GRAP2: variants seen among roughly 807,000 people sequenced by gnomAD.
GRAP2 encodes the protein GRB2 related adaptor protein 2, also known as GRB2-related adapter protein 2.
In GRAP2, 31 loss-of-function variants were observed where a neutral mutation model predicts 43.5. The observed-to-expected ratio is 0.71, with a 90% confidence interval of 0.54 to 0.96. GRAP2 has a LOEUF of 0.96. Ranked by LOEUF, GRAP2 falls within the 40% of genes least tolerant of loss-of-function variation. The pLI, the probability that GRAP2 is intolerant of heterozygous loss-of-function variation, is 0.00. For missense variants in GRAP2, 371 were observed against 424.4 expected (o/e 0.87, Z 1.11); for synonymous variants, 156 against 164.8 (o/e 0.95, Z 0.41).
chr22:39,971,128 G>A lies in GRAP2; in HGVS notation c.*44G>A. On this transcript the variant is annotated 3_prime_UTR_variant, in exon 8 of 8. Coordinates refer to ENST00000344138, the MANE Select transcript of GRAP2 (RefSeq NM_004810.4). ...GCTTTTTGTCTGGAGCTGCCCACAA[G>A]AAAGAGGGCAAGGAAAAAAGGCTGG... 6.8e-7 allele frequency: 1 copy of A among 1,474,002 alleles called. No homozygotes were observed. The highest frequency in any genetic ancestry group is 9.3e-7 in the Non-Finnish European group (1 of 1,070,096). 91.3% of individuals were successfully genotyped at this position (1,474,002 alleles called of 1,614,324 possible). A position where few individuals can be genotyped will look rare whatever the true frequency, so the allele number is the denominator to read the frequency against.
rs2145691356 is a variant in GRAP2 at position 39,973,112 on chromosome 22, G to C, written c.*2028G>C. 1 of 152,552 alleles carries C rather than the reference G, an allele frequency of 6.6e-6. No homozygotes were observed. Among genetic ancestry groups the C allele is most frequent in the Admixed American group, 6.5e-5 (1 of 15,304 alleles). The allele number at this position is 152,552 out of a possible 1,614,324, so 9.4% of individuals were successfully genotyped here. On this transcript the variant is annotated 3_prime_UTR_variant, in exon 8 of 8. Transcript: ENST00000344138. ...AGAAGACCTCCTCAGCTATTTTGGTGCTAGGTAATGTGAAATGCTGCAGTA... is the reference window on the plus strand; with the variant it reads ...AGAAGACCTCCTCAGCTATTTTGGTCCTAGGTAATGTGAAATGCTGCAGTA...
chr22:39,919,210 T>C (rs2066629231), intron 1 of GRAP2, among the ~76,000 whole-genome samples: 1 of 152,172 alleles, frequency 6.6e-6, no homozygotes, highest in Admixed American at 6.5e-5. Flanking sequence ...AAAGTGGTGA[T>C]TTTATATAAT....
intron 1 of GRAP2, among the ~76,000 whole-genome samples, chr22:39,929,353 G>A (rs973276355): frequency 2.6e-5 from 4 of 152,184 alleles, no homozygotes; most frequent in Admixed American, 1.3e-4. Context: ...TCCCTGGCTG[G>A]ACAAATATTT....
chr22:39,956,763 C>A (rs959238961), intron 3 of GRAP2, among the ~76,000 whole-genome samples: 6 of 152,154 alleles, frequency 3.9e-5, no homozygotes, highest in Non-Finnish European at 8.8e-5. Flanking sequence ...GCCACTGCAC[C>A]CGGCCTATTT....
chr22:39,897,622 C>T (rs567472196), upstream of GRAP2, among the ~76,000 whole-genome samples: 6 of 150,830 alleles, frequency 4.0e-5, no homozygotes, highest in East Asian at 5.9e-4. Flanking sequence ...CGGGTTCAAG[C>T]GATTCTTCTG....
At chr22:39,959,603 G>C (rs1324957665) in intron 3 of GRAP2, among the ~76,000 whole-genome samples, 1 of 152,138 alleles carries the variant, frequency 6.6e-6, no homozygotes, top group Non-Finnish European at 1.5e-5. Flanking sequence ...CCTCAGGGCA[G>C]GCATGAGCAC....
intron 1 of GRAP2, among the ~76,000 whole-genome samples, chr22:39,931,546 TA>T (rs2066755369): frequency 6.6e-6 from 1 of 152,178 alleles, no homozygotes; most frequent in African/African-American, 2.4e-5. Flanking sequence ...GTGGTACAAG[TA>T]AATGTCAACC....
In GRAP2 at chr22:39,970,808, T is replaced by C. The variant is rs1306657580; in HGVS notation, c.814-97T>C. ...GGGGTCAGCCTTCAGGGAATGTTGCTCTCAAAGACTTGGATGTGGTGGGAG... is the reference window on the plus strand; with the variant it reads ...GGGGTCAGCCTTCAGGGAATGTTGCCCTCAAAGACTTGGATGTGGTGGGAG... On this transcript the variant is annotated intron_variant, in intron 7 of 7. Coordinates refer to ENST00000344138, the MANE Select transcript of GRAP2 (RefSeq NM_004810.4). The C allele has an allele frequency of 5.3e-6, 6 of 1,133,626 alleles. No homozygotes were observed. In the Admixed American group the frequency reaches 1.3e-4, roughly 24 times the overall value. 70.2% of individuals were successfully genotyped at this position (1,133,626 alleles called of 1,614,324 possible).
At chr22:39,947,471 CA>C (rs892422505) in intron 2 of GRAP2, 4 of 412,094 alleles carry the variant, frequency 9.7e-6, no homozygotes, top group African/African-American at 8.0e-5. Flanking sequence ...TCAGGGAGCA[CA>C]GGTGAGGGAA....
chr22:39,938,558 CAGAGAGAAGCATT>C (rs941921394), intron 1 of GRAP2, among the ~76,000 whole-genome samples: 14 of 152,314 alleles, frequency 9.2e-5, no homozygotes, highest in African/African-American at 3.4e-4. Flanking sequence ...GGGGCCCTGG[CAGAGAGAAGCATT>C]AGAATGCAAG....
chr22:39,898,214 G>A (rs2066473199), upstream of GRAP2, among the ~76,000 whole-genome samples: 1 of 152,124 alleles, frequency 6.6e-6, no homozygotes, highest in African/African-American at 2.4e-5. Context: ...ATTTCCCAAC[G>A]TAAAATCGCA....
At chr22:39,918,225 C>G (rs966104906) in intron 1 of GRAP2, among the ~76,000 whole-genome samples, 2 of 152,190 alleles carry the variant, frequency 1.3e-5, no homozygotes, top group African/African-American at 4.8e-5. Context: ...AATTGAAAAC[C>G]ATTTCATGCC....
At chr22:39,916,257 C>T (rs186797865) in intron 1 of GRAP2, among the ~76,000 whole-genome samples, 4 of 152,362 alleles carry the variant, frequency 2.6e-5, no homozygotes, top group East Asian at 1.9e-4. Context: ...TCATCACCTC[C>T]GTGAACGGAA....
intron 2 of GRAP2, among the ~76,000 whole-genome samples, chr22:39,950,566 C>T (rs966966442): frequency 2.0e-5 from 3 of 152,210 alleles, no homozygotes; most frequent in South Asian, 4.1e-4. Context: ...ATGTCATGCA[C>T]GTGTGCACAC....
Position 39,923,056 on chromosome 22 carries a change from A to T in GRAP2, c.-15+21726A>T, listed in dbSNP as rs533816912. Among the ~76,000 whole-genome samples, 307 of 151,572 alleles carry T rather than the reference A, an allele frequency of 2.0e-3. 2 individuals are homozygous for T. The highest frequency in any genetic ancestry group is 8.1e-3 in the Admixed American group (124 of 15,220). ...GATTCAGTTAAAAAAAAAAAAAAAA[A>T]TTCAGGTATATTTAAAATATAGTGT... On this transcript the variant is annotated intron_variant, in intron 1 of 7. Transcript: ENST00000344138.
chr22:39,959,346 G>A (rs1188924765), intron 3 of GRAP2, among the ~76,000 whole-genome samples: 2 of 152,306 alleles, frequency 1.3e-5, no homozygotes, highest in Middle Eastern at 6.8e-3. Flanking sequence ...CTTTTCCACA[G>A]TAAAGATTAT....
chr22:39,916,185 G>A (rs2066600948), intron 1 of GRAP2, among the ~76,000 whole-genome samples: 1 of 152,246 alleles, frequency 6.6e-6, no homozygotes, highest in Non-Finnish European at 1.5e-5. Flanking sequence ...TGGATTGACT[G>A]TGACCTGCTG....
At chr22:39,930,831 C>G (rs2267416) in intron 1 of GRAP2, among the ~76,000 whole-genome samples, 29,560 of 151,994 alleles carry the variant, frequency 0.19, 3,895 homozygotes, top group East Asian at 0.65. Context: ...TATTTGCACA[C>G]ACCATTCTCT....
At chr22:39,933,254 C>A (rs1413564723) in intron 1 of GRAP2, among the ~76,000 whole-genome samples, 1 of 152,206 alleles carries the variant, frequency 6.6e-6, no homozygotes, top group Non-Finnish European at 1.5e-5. Context: ...CAGCCTGAGG[C>A]CTTTATGCAG....
Sources: gnomAD v4.1 joint callset for allele counts (sites outside exome capture counted in the v4.1 genomes callset) on GRCh38, gnomAD v4.1.1 for gene constraint, MANE v1.5 for transcripts, NCBI Gene and HGNC (gene_info 2026-07-23, HGNC 2026-07-21) for gene names.